The following HTR2C variants were observed in gnomAD, a reference collection of about 807,000 sequenced individuals.
The protein encoded by HTR2C is 5-hydroxytryptamine (serotonin) receptor 2C, G protein-coupled.
Under a neutral mutation model 21.0 loss-of-function variants are expected in HTR2C, and 5 were observed. That is an observed-to-expected ratio of 0.24 (90% confidence interval 0.12 to 0.50). The LOEUF (loss-of-function observed/expected upper bound fraction) is 0.50, where lower values mean the gene tolerates loss of function less well. Ranked by LOEUF, HTR2C falls within the 20% of genes least tolerant of loss-of-function variation. The pLI, the probability that HTR2C is intolerant of heterozygous loss-of-function variation, is 0.98. For synonymous variants in HTR2C, 150 were observed against 145.3 expected, an observed-to-expected ratio of 1.03 and a Z score of -0.23; for missense variants, 271 against 371.2, an observed-to-expected ratio of 0.73 and a Z score of 2.22.
intron 2 of HTR2C, among the ~76,000 whole-genome samples, chrX:114,618,416 T>C (rs1290146392): frequency 8.9e-6 from 1 of 112,264 alleles, no homozygotes; most frequent in African/African-American, 3.2e-5. Flanking sequence ...TCAACATATG[T>C]CTTTCAAAAA....
chrX:114,672,677 C>T (rs1556411975), intron 2 of HTR2C, among the ~76,000 whole-genome samples: 3 of 111,665 alleles, frequency 2.7e-5, no homozygotes, highest in Admixed American at 9.6e-5. Context: ...TAAAAATATT[C>T]ACTTGTACAC....
At chrX:114,606,687 T>C (rs377359880) in intron 1 of HTR2C, among the ~76,000 whole-genome samples, 1 of 111,893 alleles carries the variant, frequency 8.9e-6, no homozygotes, top group South Asian at 3.7e-4. Context: ...CTGGTCGGTC[T>C]GAGGACATGA....
At chrX:114,860,500 T>A (rs2070998178) in intron 5 of HTR2C, among the ~76,000 whole-genome samples, 1 of 111,344 alleles carries the variant, frequency 9.0e-6, no homozygotes, top group Non-Finnish European at 1.9e-5. Flanking sequence ...TTTTAAATAA[T>A]TCACTTATAA....
chrX:114,692,979 G>A (rs186058876), intron 2 of HTR2C, among the ~76,000 whole-genome samples: 3 of 111,441 alleles, frequency 2.7e-5, no homozygotes, highest in East Asian at 5.6e-4. Flanking sequence ...ATGAAACCAC[G>A]TGAAACAGCT....
intron 4 of HTR2C, among the ~76,000 whole-genome samples, chrX:114,840,498 GA>G (rs1484524145): frequency 8.4e-4 from 93 of 110,271 alleles, no homozygotes; most frequent in African/African-American, 2.7e-3. Context: ...AACACATTGA[GA>G]AAAAAAAGAA....
chrX:114,650,100 G>GGATA (rs1344557797), intron 2 of HTR2C, among the ~76,000 whole-genome samples: 1 of 111,583 alleles, frequency 9.0e-6, no homozygotes, highest in Admixed American at 9.5e-5. Context: ...AACACAAAGT[G>GGATA]GATAGCATAA....
intron 4 of HTR2C, among the ~76,000 whole-genome samples, chrX:114,759,116 A>G (rs1436760106): frequency 8.9e-6 from 1 of 112,227 alleles, no homozygotes; most frequent in Non-Finnish European, 1.9e-5. Context: ...GGAACAAATC[A>G]GCTCACAGCT....
At chrX:114,831,160 A>G (rs370237235) in intron 4 of HTR2C, among the ~76,000 whole-genome samples, 5 of 96,526 alleles carry the variant, frequency 5.2e-5, no homozygotes, top group South Asian at 5.7e-4. Flanking sequence ...ATAAACATAC[A>G]TGTGCATGTG....
chrX:114,744,188 A>G (rs2069678489), intron 4 of HTR2C, among the ~76,000 whole-genome samples: 1 of 110,415 alleles, frequency 9.1e-6, no homozygotes, highest in Admixed American at 9.8e-5. Flanking sequence ...ATGTTTGTCA[A>G]TTGTATCCAG....
chrX:114,612,091 C>T lies in HTR2C; in HGVS notation c.-146-1724C>T, dbSNP rs148707314. On this transcript the variant is annotated intron_variant, in intron 1 of 5. Transcript: ENST00000276198. ...AAAAATATAATTTGTTGGTGTAGTA[C>T]ATTGTATCTTGCATGATGTAAGGGG... 8.5e-3 allele frequency among the ~76,000 whole-genome samples: 939 copies of T among 110,494 alleles called. 11 individuals carry two copies. The highest frequency in any genetic ancestry group is 0.029 in the African/African-American group (870 of 30,464).
intron 1 of HTR2C, among the ~76,000 whole-genome samples, chrX:114,604,060 G>C (rs1434971871): frequency 1.9e-5 from 2 of 107,795 alleles, no homozygotes; most frequent in Non-Finnish European, 3.8e-5. Context: ...GTTGAGTGGG[G>C]TAAGAGTGAT....
At chrX:114,692,392 C>T (rs782607002) in intron 2 of HTR2C, among the ~76,000 whole-genome samples, 59 of 111,634 alleles carry the variant, frequency 5.3e-4, no homozygotes, top group African/African-American at 1.6e-3. Flanking sequence ...GATATTTATG[C>T]TTAACTTTTT....
At chrX:114,587,839 TTG>T (rs1281676790) in intron 1 of HTR2C, among the ~76,000 whole-genome samples, 1 of 111,978 alleles carries the variant, frequency 8.9e-6, no homozygotes, top group African/African-American at 3.2e-5. Context: ...ACAAACAACA[TTG>T]AAAACAACCA....
intron 1 of HTR2C, among the ~76,000 whole-genome samples, chrX:114,601,376 T>G (rs1264913674): frequency 1.9e-5 from 2 of 108,098 alleles, no homozygotes; most frequent in African/African-American, 3.4e-5. Context: ...AGAGAGTCAG[T>G]GAAGGGAGAT....
rs782722646 is a variant in HTR2C, at chrX:114,739,877, A to G, written c.349+8270A>G. Among the ~76,000 whole-genome samples, 3 of 110,898 alleles carry G rather than the reference A, an allele frequency of 2.7e-5. No homozygotes were observed. In the Admixed American group the frequency reaches 2.9e-4, roughly 11 times the overall value. ...TCCCAGCACTTTGGGAGGCTGAGGC[A>G]GGTGGATCACTTGAGCCCAGGAGTT... On this transcript the variant is annotated intron_variant, in intron 4 of 5. Transcript: ENST00000276198.
chrX:114,777,069 T>C (rs2070065943), intron 4 of HTR2C, among the ~76,000 whole-genome samples: 1 of 111,999 alleles, frequency 8.9e-6, no homozygotes, highest in Admixed American at 9.5e-5. Flanking sequence ...CTAATGCCCT[T>C]ACAAGGGCTC....
intron 5 of HTR2C, among the ~76,000 whole-genome samples, chrX:114,886,879 C>A (rs1224887850): frequency 2.7e-5 from 3 of 111,209 alleles, no homozygotes; most frequent in Admixed American, 9.6e-5. Context: ...GCTTTGCCCC[C>A]ACCTACATCT....
chrX:114,772,509 T>C (rs782423404), intron 4 of HTR2C, among the ~76,000 whole-genome samples: 1 of 109,648 alleles, frequency 9.1e-6, no homozygotes, highest in East Asian at 2.9e-4. Context: ...GATTCTGACC[T>C]TTAGGAGAGG....
At chrX:114,610,813 A>G (rs1928694406) in intron 1 of HTR2C, among the ~76,000 whole-genome samples, 1 of 110,735 alleles carries the variant, frequency 9.0e-6, no homozygotes, top group African/African-American at 3.3e-5. Flanking sequence ...AGCTGAGAGG[A>G]AAAAAATTGG....
Sources: allele counts gnomAD v4.1 joint callset (sites outside exome capture counted in the v4.1 genomes callset), GRCh38; gene constraint gnomAD v4.1.1; transcripts MANE v1.5; gene names NCBI Gene and HGNC (gene_info 2026-07-23, HGNC 2026-07-21).